Variants in PM20D2 observed in about 807,000 individuals in gnomAD.
The protein encoded by PM20D2 is peptidase M20 domain containing 2, also known as xaa-Arg dipeptidase.
Under a neutral mutation model 42.9 loss-of-function variants are expected in PM20D2, and 33 were observed. The ratio of observed to expected loss-of-function variants is 0.77; its 90% confidence interval spans 0.58 to 1.03. The LOEUF (loss-of-function observed/expected upper bound fraction) is 1.03. PM20D2 is among the 50% of genes least tolerant of loss of function. PM20D2 has a pLI of 0.00. For missense variants in PM20D2, 548 were observed against 557.0 expected, an observed-to-expected ratio of 0.98 and a Z score of 0.16; for synonymous variants, 250 against 228.2, an observed-to-expected ratio of 1.10 and a Z score of -0.86.
the PM20D2 span, among the ~76,000 whole-genome samples, chr6:89,114,794 G>C: frequency 6.6e-6 from 1 of 152,046 alleles, no homozygotes; most frequent in Non-Finnish European, 1.5e-5. Context: ...ATATTTTACT[G>C]CTTTTATTTT....
At chr6:89,115,523 C>G in the PM20D2 span, among the ~76,000 whole-genome samples, 1 of 152,076 alleles carries the variant, frequency 6.6e-6, no homozygotes, top group African/African-American at 2.4e-5. Flanking sequence ...CTCAAGTGAT[C>G]CGCCGAACTC....
At chr6:89,149,048 A>T (rs1463614358) in intron 1 of PM20D2, among the ~76,000 whole-genome samples, 1 of 152,204 alleles carries the variant, frequency 6.6e-6, no homozygotes. Context: ...TAGTGTCTTT[A>T]GTACATACTT....
At chr6:89,127,077 C>G in the PM20D2 span, among the ~76,000 whole-genome samples, 3 of 152,098 alleles carry the variant, frequency 2.0e-5, no homozygotes, top group Non-Finnish European at 2.9e-5. Context: ...TGGATCCTAA[C>G]TTTCCTGTAT....
the PM20D2 span, among the ~76,000 whole-genome samples, chr6:89,101,311 A>G: frequency 6.6e-6 from 1 of 152,214 alleles, no homozygotes; most frequent in Non-Finnish European, 1.5e-5. Flanking sequence ...GAATTTTACA[A>G]AACTAACAAA....
chr6:89,104,000 T>C, the PM20D2 span, among the ~76,000 whole-genome samples: 4 of 128,530 alleles, frequency 3.1e-5, no homozygotes, highest in South Asian at 2.6e-4. Flanking sequence ...TCTTTTTTTT[T>C]TTTTTTTTTT....
At chr6:89,150,160 G>A (rs1770778970) in intron 2 of PM20D2, among the ~76,000 whole-genome samples, 1 of 152,164 alleles carries the variant, frequency 6.6e-6, no homozygotes, top group Admixed American at 6.5e-5. Context: ...TCACAGCAGT[G>A]CTTCTAGATT....
At chr6:89,142,736 C>T (rs1370121086), upstream of PM20D2, among the ~76,000 whole-genome samples, 6 of 152,124 alleles carry the variant, frequency 3.9e-5, no homozygotes, top group East Asian at 9.6e-4. Flanking sequence ...CGGCTCACTG[C>T]AAGCTCCACC....
rs202162837 is a variant in PM20D2, at chr6:89,146,238, G to C, written c.94G>C (p.Asp32His). Reference sequence around the variant, plus strand: ...GAAGCTGCGCTCGGCGGAGTGCATCGACGAGGCGGCCGAGCGGCTGGGGGC... The same window carrying C: ...GAAGCTGCGCTCGGCGGAGTGCATCCACGAGGCGGCCGAGCGGCTGGGGGC... The part of the protein sequence containing the change: ...LLKLRSAECI[D>H]EAAERLGALS... Residue 32 changes from aspartate (D) to histidine (H), a missense_variant, in exon 1 of 7, where the codon GAC becomes CAC. Physicochemically the swap from Asp to His is moderately conservative, Grantham distance 81. Coordinates refer to ENST00000275072, the MANE Select transcript of PM20D2 (RefSeq NM_001010853.3). 267 of 1,580,552 alleles carry C rather than the reference G, an allele frequency of 1.7e-4. 1 individual carries two copies. The African/African-American group carries it at 3.5e-3, about 20-fold the overall frequency.
the PM20D2 span, among the ~76,000 whole-genome samples, chr6:89,110,279 G>T: frequency 3.9e-5 from 6 of 152,300 alleles, no homozygotes; most frequent in Admixed American, 3.9e-4. Flanking sequence ...TGAAAGCACA[G>T]ATTTATTGAA....
chr6:89,108,434 T>C, the PM20D2 span, among the ~76,000 whole-genome samples: 3 of 152,172 alleles, frequency 2.0e-5, no homozygotes, highest in Non-Finnish European at 4.4e-5. Flanking sequence ...GAGTAACCTA[T>C]CTAAGCTCAC....
intron 1 of PM20D2, among the ~76,000 whole-genome samples, chr6:89,148,265 C>T (rs570412020): frequency 2.0e-5 from 3 of 152,182 alleles, no homozygotes; most frequent in African/African-American, 7.2e-5. Context: ...AGGCATGAGT[C>T]ACCGCTCCCG....
chr6:89,118,008 C>G, the PM20D2 span: 1 of 1,059,554 alleles, frequency 9.4e-7, no homozygotes, highest in Non-Finnish European at 1.3e-6. Context: ...ACCCCTCGGC[C>G]TCAGCCCCGC....
chr6:89,156,991 G>T (rs897737019), intron 4 of PM20D2, among the ~76,000 whole-genome samples: 1 of 152,140 alleles, frequency 6.6e-6, no homozygotes, highest in Non-Finnish European at 1.5e-5. Flanking sequence ...AAATACTTAT[G>T]GATGTGAACT....
chr6:89,107,311 T>C, the PM20D2 span: 1 of 1,434,874 alleles, frequency 7.0e-7, no homozygotes. Flanking sequence ...GATTAAAATA[T>C]TTTGCCTACA....
the PM20D2 span, among the ~76,000 whole-genome samples, chr6:89,109,574 T>TA: frequency 6.6e-6 from 1 of 151,986 alleles, no homozygotes. Flanking sequence ...ATAGATAATA[T>TA]AAAAGAGGAG....
At chr6:89,107,014 C>T in the PM20D2 span, 2 of 901,326 alleles carry the variant, frequency 2.2e-6, no homozygotes, top group Non-Finnish European at 3.5e-6. Context: ...CTACTGTGGA[C>T]TGCTTTAGAT....
chr6:89,130,816 CTTCTTTTTTTTTTTTT>C, the PM20D2 span, among the ~76,000 whole-genome samples: 2 of 50,954 alleles, frequency 3.9e-5, no homozygotes, highest in African/African-American at 8.1e-5. Context: ...CTGGCTTCTT[CTTCTTTTTTTTTTTTT>C]TTTTTTTTTT....
Position 89,146,604 on chromosome 6 carries a change from G to T in PM20D2, c.460G>T (p.Val154Leu), listed in dbSNP as rs1280596076. 3.1e-5 allele frequency: 44 copies of T among 1,440,226 alleles called. No individual in the cohort carries two copies. Among genetic ancestry groups the T allele is most frequent in the Non-Finnish European group, 3.7e-5 (41 of 1,103,306 alleles). The allele number at this position is 1,440,226 out of a possible 1,614,324, so 89.2% of individuals were successfully genotyped here. The change falls in exon 1 of 7, where the codon GTG becomes TTG. Residue 154 changes from valine to leucine, a missense_variant. By Grantham distance (32) the Val-to-Leu change is conservative. Around this residue, in one of 3 missense-constraint regions of PM20D2, gnomAD observed 470 missense variants for 464.4 expected, o/e 1.01. Coordinates refer to ENST00000275072, the MANE Select transcript of PM20D2 (RefSeq NM_001010853.3). ...LEGLPRPPPP[V>L]KVVVLGTPAE... ...GGGCCTCCCCAGGCCGCCTCCGCCCGTGAAGGTGAGGTGGGGCCCGGGTGC... is the reference window on the plus strand; with the variant it reads ...GGGCCTCCCCAGGCCGCCTCCGCCCTTGAAGGTGAGGTGGGGCCCGGGTGC...
At position 89,162,566 on chromosome 6, in the gene PM20D2, A is replaced by G. The variant is rs1388243372; in HGVS notation, c.*303A>G. 4.8e-6 allele frequency: 1 copy of G among 209,256 alleles called. No individual in the cohort carries two copies. The highest frequency in any genetic ancestry group is 9.5e-6 in the Non-Finnish European group (1 of 105,242). 13.0% of individuals were successfully genotyped at this position (209,256 alleles called of 1,614,324 possible). On this transcript the variant is annotated 3_prime_UTR_variant, in exon 7 of 7. Transcript: ENST00000275072. ...GATACCATTTCTTAACCTGGAGGAT[A>G]CATGGCATCATTTTTATAAAATATG...
Sources: gnomAD v4.1 joint callset for allele counts (sites outside exome capture counted in the v4.1 genomes callset) on GRCh38, gnomAD v4.1.1 for gene constraint, gnomAD v4.1.1 regional missense constraint, MANE v1.5 for transcripts, NCBI Gene and HGNC (gene_info 2026-07-23, HGNC 2026-07-21) for gene names.